The following CATSPERD variants were observed in gnomAD, a reference collection of about 807,000 sequenced individuals.
CATSPERD encodes cation channel sperm-associated auxiliary subunit delta.
CATSPERD carries 86 observed loss-of-function variants against 98.1 expected under a neutral mutation model. The ratio of observed to expected loss-of-function variants is 0.88; its 90% CI spans 0.74 to 1.05. The LOEUF is 1.05. Among genes scored for constraint, CATSPERD ranks in the 50% least tolerant of loss-of-function variants. The pLI is 0.00. For missense variants in CATSPERD, 995 were observed against 1,005.7 expected (o/e 0.99, Z 0.14); for synonymous variants, 394 against 390.2 (o/e 1.01, Z -0.12).
chr19:5,755,973 C>T (rs993498044), intron 13 of CATSPERD, among the ~76,000 whole-genome samples: 3 of 150,008 alleles, frequency 2.0e-5, no homozygotes, highest in Admixed American at 6.7e-5. Context: ...AGAGTAAAAC[C>T]TCATCTCTTA....
chr19:5,739,254 C>T, intron 6 of CATSPERD, 72 bp from the exon 7 acceptor site: 1 of 868,222 alleles, frequency 1.2e-6, no homozygotes, highest in Non-Finnish European at 1.8e-6. Context: ...TTTCATTTCT[C>T]TGGGATAAAC....
chr19:5,774,246 G>A (rs1166964637), intron 20 of CATSPERD, among the ~76,000 whole-genome samples: 3 of 151,996 alleles, frequency 2.0e-5, no homozygotes, highest in East Asian at 1.9e-4. Context: ...GATTATAGGC[G>A]TGAGCCACTG....
intron 14 of CATSPERD, 32 bp downstream of exon 14, chr19:5,757,964 TGTCC>T: frequency 6.3e-7 from 1 of 1,584,192 alleles, no homozygotes; most frequent in Non-Finnish European, 8.6e-7. Context: ...CCCTGTCGCC[TGTCC>T]CTTGAGAGGC....
intron 15 of CATSPERD, among the ~76,000 whole-genome samples, chr19:5,759,792 C>T (rs944151131): frequency 4.0e-5 from 6 of 149,680 alleles, no homozygotes; most frequent in South Asian, 2.1e-4. Flanking sequence ...AAGGGAGTCC[C>T]GGGCCGGGCG....
At chr19:5,724,950 G>C in intron 2 of CATSPERD, 88 bp downstream of exon 2, 2 of 1,173,626 alleles carry the variant, frequency 1.7e-6, no homozygotes, top group Non-Finnish European at 1.3e-6. Context: ...TTGGGTGCCC[G>C]TGTTGTCAAG....
intron 11 of CATSPERD, among the ~76,000 whole-genome samples, chr19:5,751,357 T>C (rs1051714247): frequency 6.7e-6 from 1 of 148,662 alleles, no homozygotes; most frequent in Non-Finnish European, 1.5e-5. Context: ...ACCCTGTCCC[T>C]ACTAAAAAAT....
chr19:5,762,058 A>ATTTTTTTTTTTTTTTTT (rs869295948), intron 15 of CATSPERD, among the ~76,000 whole-genome samples: 1 of 10,438 alleles, frequency 9.6e-5, no homozygotes, highest in African/African-American at 3.3e-4. Flanking sequence ...ATATATATAT[A>ATTTTTTTTTTTTTTTTT]TTTTTTTTTT....
intron 5 of CATSPERD, among the ~76,000 whole-genome samples, chr19:5,735,380 A>C (rs2055822857): frequency 6.9e-6 from 1 of 145,762 alleles, no homozygotes; most frequent in African/African-American, 2.6e-5. Flanking sequence ...GCACGATCTC[A>C]GCTCATTGCA....
At chr19:5,742,832 G>T (rs2056015697) in intron 7 of CATSPERD, among the ~76,000 whole-genome samples, 1 of 152,092 alleles carries the variant, frequency 6.6e-6, no homozygotes, top group African/African-American at 2.4e-5. Flanking sequence ...GATGGAGCAG[G>T]ATCTAGAGTC....
Position 5,778,655 on chromosome 19 carries a change from C to T in CATSPERD, c.2376C>T (p.His792=), listed in dbSNP as rs778804929. ...TEPPGRHRTP[H]GGRSDH ...CCCCGGGACGCCACCGCACTCCTCA[C>T]GGAGGCAGGTCTGACCACTGAGGCC... Residue 792 remains histidine, a synonymous_variant, in exon 22 of 22, where the codon CAC becomes CAT. Transcript: ENST00000381624. 82 of 1,613,098 alleles carry T rather than the reference C, an allele frequency of 5.1e-5. No individual in the cohort carries two copies. The highest frequency in any genetic ancestry group is 3.6e-4 in the South Asian group (33 of 91,040).
chr19:5,757,214 C>A (rs1194123772), intron 13 of CATSPERD, among the ~76,000 whole-genome samples: 2 of 151,940 alleles, frequency 1.3e-5, no homozygotes, highest in Non-Finnish European at 2.9e-5. Context: ...TGCAGGACTG[C>A]ACTCCAGCCT....
At chr19:5,747,946 C>T (rs1336172089) in intron 9 of CATSPERD, among the ~76,000 whole-genome samples, 1 of 152,110 alleles carries the variant, frequency 6.6e-6, no homozygotes, top group African/African-American at 2.4e-5. Context: ...AAGCATATTC[C>T]TTGTCATGCT....
chr19:5,772,488 A>T (rs2056667735), intron 19 of CATSPERD: 1 of 311,702 alleles, frequency 3.2e-6, no homozygotes, highest in Admixed American at 4.7e-5. Flanking sequence ...CAGCCTCCCA[A>T]AGTGCTGAGA....
intron 10 of CATSPERD, among the ~76,000 whole-genome samples, chr19:5,748,549 G>A (rs1568355687): frequency 6.7e-6 from 1 of 149,126 alleles, no homozygotes; most frequent in South Asian, 2.1e-4. Flanking sequence ...GAGAATCGCT[G>A]GAACCCGGGA....
intron 2 of CATSPERD, among the ~76,000 whole-genome samples, chr19:5,726,841 G>A (rs1371297190): frequency 6.6e-6 from 1 of 152,086 alleles, no homozygotes; most frequent in Non-Finnish European, 1.5e-5. Context: ...AAATGACATT[G>A]GTACATTCCA....
intron 4 of CATSPERD, among the ~76,000 whole-genome samples, chr19:5,731,175 C>T (rs1221040549): frequency 6.6e-6 from 1 of 151,632 alleles, no homozygotes; most frequent in African/African-American, 2.4e-5. Flanking sequence ...ATACCATCGA[C>T]ACCTATGCTA....
chr19:5,756,143 T>C (rs191744640), intron 13 of CATSPERD, among the ~76,000 whole-genome samples: 7 of 152,060 alleles, frequency 4.6e-5, no homozygotes, highest in African/African-American at 1.7e-4. Flanking sequence ...TAGCCGGGTG[T>C]GGTGGCACAT....
chr19:5,754,487 C>G (rs934182702), intron 13 of CATSPERD, among the ~76,000 whole-genome samples: 2 of 149,962 alleles, frequency 1.3e-5, no homozygotes, highest in Non-Finnish European at 3.0e-5. Context: ...CAGCCTCCAC[C>G]TCCTGGGCTC....
intron 10 of CATSPERD, 125 bp from the exon 11 acceptor site, chr19:5,748,976 C>G: frequency 1.6e-6 from 1 of 629,088 alleles, no homozygotes; most frequent in Non-Finnish European, 2.7e-6. Context: ...GTGATCCACC[C>G]CCCTCGGCCT....
Sources: allele counts gnomAD v4.1 joint callset (sites outside exome capture counted in the v4.1 genomes callset), GRCh38; gene constraint gnomAD v4.1.1; transcripts MANE v1.5; gene names NCBI Gene and HGNC (gene_info 2026-07-23, HGNC 2026-07-21).